Variants in PSD3 observed in about 807,000 individuals in gnomAD.
PSD3 encodes PH and SEC7 domain-containing protein 3.
In PSD3, 49 loss-of-function variants were observed where a neutral mutation model predicts 105.5. That is an observed-to-expected ratio of 0.46 (90% CI 0.37 to 0.59). The LOEUF (loss-of-function observed/expected upper bound fraction) is 0.59, where lower values mean the gene tolerates loss of function less well. PSD3 is among the 20% of genes least tolerant of loss of function. The probability of loss-of-function intolerance (pLI) is 0.00; values close to 1 mark genes in which losing one functional copy is unlikely to be tolerated. For synonymous variants in PSD3, 557 were observed against 457.8 expected (o/e 1.22, Z -2.77); for missense variants, 1,561 against 1,263.8 (o/e 1.24, Z -3.57).
chr8:19,079,822 G>A (rs938972951), intron 1 of PSD3, among the ~76,000 whole-genome samples: 2 of 151,520 alleles, frequency 1.3e-5, no homozygotes, highest in Admixed American at 6.6e-5. Flanking sequence ...CTATAGGTAA[G>A]TTTCCTGTAG....
chr8:19,033,608 C>A (rs1358908864), intron 1 of PSD3, among the ~76,000 whole-genome samples: 1 of 151,196 alleles, frequency 6.6e-6, no homozygotes, highest in East Asian at 1.9e-4. Context: ...AGCCCTTTCA[C>A]CTCCCTAGTA....
intron 1 of PSD3, among the ~76,000 whole-genome samples, chr8:19,038,394 T>C (rs1356826178): frequency 6.6e-6 from 1 of 152,204 alleles, no homozygotes; most frequent in African/African-American, 2.4e-5. Flanking sequence ...GTCTTCTTCC[T>C]GTTAATCTTT....
intron 12 of PSD3, among the ~76,000 whole-genome samples, chr8:18,578,870 A>C (rs866599516): frequency 1.1e-4 from 17 of 152,060 alleles, no homozygotes; most frequent in African/African-American, 3.9e-4. Context: ...TCTAAGGTAA[A>C]CTGCCAGATT....
At chr8:18,896,953 G>C (rs1380358496) in intron 2 of PSD3, among the ~76,000 whole-genome samples, 2 of 152,026 alleles carry the variant, frequency 1.3e-5, no homozygotes, top group East Asian at 3.9e-4. Context: ...TGGGATTACA[G>C]GCATGCACCA....
rs55792203 is a variant in PSD3, at chr8:18,838,802, AAATAATAATAATAATAATAAT to A, written c.1634+28851_1634+28871del. On this transcript the variant is annotated intron_variant, in intron 4 of 15. Coordinates refer to ENST00000327040, the MANE Select transcript of PSD3 (RefSeq NM_015310.4). ...GGGTGACAGAGCGAGACTCCGTCTC[AAATAATAATAATAATAATAAT>A]AATAATAATAATAATAATAATAATA... 6.1e-5 allele frequency among the ~76,000 whole-genome samples: 8 copies of A among 131,860 alleles called. No homozygotes were observed. In the East Asian group the frequency reaches 6.5e-4, roughly 11 times the overall value. The allele number at this position is 131,860 out of a possible 152,430, so 86.5% of individuals were successfully genotyped here.
At chr8:18,951,892 C>T (rs542279626) in intron 1 of PSD3, among the ~76,000 whole-genome samples, 59 of 152,122 alleles carry the variant, frequency 3.9e-4, no homozygotes, top group Non-Finnish European at 5.9e-4. Flanking sequence ...TCATTTGAAC[C>T]TGGGAAGCGG....
At chr8:19,040,396 G>C (rs1031559611) in intron 1 of PSD3, among the ~76,000 whole-genome samples, 7 of 152,044 alleles carry the variant, frequency 4.6e-5, no homozygotes, top group African/African-American at 1.7e-4. Context: ...GTAGAGACGG[G>C]GGTCTTGCCA....
At chr8:18,539,280 A>G (rs1800015166) in intron 15 of PSD3, among the ~76,000 whole-genome samples, 1 of 152,226 alleles carries the variant, frequency 6.6e-6, no homozygotes, top group East Asian at 1.9e-4. Flanking sequence ...ATAACTCTGA[A>G]TGATGCTCTG....
chr8:18,676,509 T>G (rs1359931307), intron 9 of PSD3, among the ~76,000 whole-genome samples: 1 of 152,230 alleles, frequency 6.6e-6, no homozygotes, highest in African/African-American at 2.4e-5. Context: ...TGTTTAAATA[T>G]GTTTCACTTA....
intron 2 of PSD3, among the ~76,000 whole-genome samples, chr8:18,920,720 G>A (rs1586428726): frequency 6.6e-6 from 1 of 152,128 alleles, no homozygotes; most frequent in East Asian, 1.9e-4. Flanking sequence ...ACAGAATGTA[G>A]AATAGTTCTT....
intron 6 of PSD3, 148 bp downstream of exon 6, chr8:18,804,374 G>A (rs1352706185): frequency 1.2e-5 from 8 of 678,074 alleles, no homozygotes; most frequent in Non-Finnish European, 1.9e-5. Flanking sequence ...CAACACTTAT[G>A]GACCCAAACA....
At chr8:18,914,103 G>A (rs915668936) in intron 2 of PSD3, among the ~76,000 whole-genome samples, 1 of 151,144 alleles carries the variant, frequency 6.6e-6, no homozygotes, top group Non-Finnish European at 1.5e-5. Context: ...CCAATAGCAA[G>A]CCTACACACA....
Position 18,808,146 on chromosome 8 carries a change from C to T in PSD3, c.1635-3248G>A, listed in dbSNP as rs1249362025. 5.3e-5 allele frequency among the ~76,000 whole-genome samples: 8 copies of T among 152,180 alleles called. No homozygotes were observed. In the South Asian group the frequency reaches 6.2e-4, roughly 12 times the overall value. ...TGTAAAATATTTATTCCAAGAACTA[C>T]GTTAATTACAATCAAGTACTTTTTA... is the stretch of plus-strand genomic sequence containing the variant. On this transcript the variant is annotated intron_variant, in intron 4 of 15. Transcript: ENST00000327040.
intron 11 of PSD3, among the ~76,000 whole-genome samples, chr8:18,613,898 C>G (rs1241391680): frequency 6.6e-6 from 1 of 152,190 alleles, no homozygotes; most frequent in Non-Finnish European, 1.5e-5. Context: ...AATAAATGAA[C>G]TATGGACTTG....
At position 19,060,424 on chromosome 8, in the gene PSD3, A is replaced by C. The variant is rs749869181; in HGVS notation, c.324+23782T>G. ...AGATCTTATATATAGCTCCACTCTA[A>C]CATATTAATGTCTCAGTCTGGGCAA... On this transcript the variant is annotated intron_variant, in intron 1 of 1. Coordinates refer to the PSD3 transcript ENST00000521475. 2.0e-5 allele frequency among the ~76,000 whole-genome samples: 3 copies of C among 152,176 alleles called. No homozygotes were observed. The East Asian group carries it at 5.8e-4, about 29-fold the overall frequency.
intron 12 of PSD3, among the ~76,000 whole-genome samples, chr8:18,598,410 T>TAAAAAAAAAA (rs1211306767): frequency 7.1e-4 from 1 of 1,400 alleles, no homozygotes; most frequent in African/African-American, 1.3e-3. Context: ...TAGAGTATAA[T>TAAAAAAAAAA]AAAAAAAAAA....
chr8:18,965,260 A>G (rs937130226), intron 1 of PSD3, among the ~76,000 whole-genome samples: 24 of 152,158 alleles, frequency 1.6e-4, no homozygotes, highest in African/African-American at 5.8e-4. Context: ...GATGCTGGCA[A>G]CTGACTTTCA....
At chr8:18,577,707 A>G (rs1646583387) in intron 12 of PSD3, among the ~76,000 whole-genome samples, 1 of 152,078 alleles carries the variant, frequency 6.6e-6, no homozygotes, top group South Asian at 2.1e-4. Flanking sequence ...ACCCACATCA[A>G]CAAGATAAGA....
chr8:18,847,869 C>T (rs1815226156), intron 4 of PSD3, among the ~76,000 whole-genome samples: 1 of 152,146 alleles, frequency 6.6e-6, no homozygotes, highest in African/African-American at 2.4e-5. Flanking sequence ...AAGTCCTCCT[C>T]CATGAATGGC....
Sources: gnomAD v4.1 joint callset for allele counts (sites outside exome capture counted in the v4.1 genomes callset) on GRCh38, gnomAD v4.1.1 for gene constraint, MANE v1.5 for transcripts, NCBI Gene and HGNC (gene_info 2026-07-23, HGNC 2026-07-21) for gene names.